ZBBX: variants seen among roughly 807,000 people sequenced by gnomAD.
ZBBX encodes zinc finger B-box domain containing.
In ZBBX, 101 loss-of-function variants were observed where a neutral mutation model predicts 108.5. The ratio of observed to expected loss-of-function variants is 0.93; its 90% confidence interval spans 0.79 to 1.10. The LOEUF is 1.10. Among genes scored for constraint, ZBBX ranks in the 50% least tolerant of loss-of-function variants. The probability of loss-of-function intolerance (pLI) is 0.00; values close to 1 mark genes in which losing one functional copy is unlikely to be tolerated. For missense variants in ZBBX, 1,009 were observed against 941.4 expected (o/e 1.07, Z -0.94); for synonymous variants, 356 against 323.4 (o/e 1.10, Z -1.08).
At chr3:167,319,756 A>T (rs1188800932) in intron 12 of ZBBX, among the ~76,000 whole-genome samples, 1 of 151,998 alleles carries the variant, frequency 6.6e-6, no homozygotes, top group Non-Finnish European at 1.5e-5. Flanking sequence ...GATATTTGTG[A>T]TTCTGAAACT....
At chr3:167,209,013 G>A in the ZBBX span, among the ~76,000 whole-genome samples, 4 of 152,214 alleles carry the variant, frequency 2.6e-5, no homozygotes, top group South Asian at 8.3e-4. Context: ...AGTTAACATA[G>A]GTAGTAACCA....
At chr3:167,209,953 G>A in the ZBBX span, among the ~76,000 whole-genome samples, 38 of 152,256 alleles carry the variant, frequency 2.5e-4, no homozygotes, top group African/African-American at 9.1e-4. Flanking sequence ...AGCTAGGCAT[G>A]GTGGCATGTG....
At chr3:167,398,574 C>T (rs1748322119) in intron 1 of ZBBX, among the ~76,000 whole-genome samples, 1 of 151,912 alleles carries the variant, frequency 6.6e-6, no homozygotes, top group Non-Finnish European at 1.5e-5. Flanking sequence ...TATAAACCTA[C>T]TGTATAAATA....
At chr3:167,307,342 T>G (rs1339710439) in intron 16 of ZBBX, among the ~76,000 whole-genome samples, 1 of 152,174 alleles carries the variant, frequency 6.6e-6, no homozygotes, top group Non-Finnish European at 1.5e-5. Context: ...TATCTCTGTT[T>G]GCAGACTACA....
chr3:167,236,051 T>C (rs565329401), downstream of ZBBX, among the ~76,000 whole-genome samples: 34 of 151,892 alleles, frequency 2.2e-4, no homozygotes, highest in South Asian at 6.2e-3. Context: ...AAATAGTATA[T>C]ACGTTTTTAA....
intron 9 of ZBBX, among the ~76,000 whole-genome samples, chr3:167,348,966 T>C (rs1298051028): frequency 6.6e-6 from 1 of 152,040 alleles, no homozygotes; most frequent in Non-Finnish European, 1.5e-5. Flanking sequence ...TGGTGTCGTA[T>C]CTGCATCTGG....
At chr3:167,343,032 A>C (rs556410915) in intron 9 of ZBBX, among the ~76,000 whole-genome samples, 2 of 151,940 alleles carry the variant, frequency 1.3e-5, no homozygotes, top group Non-Finnish European at 2.9e-5. Flanking sequence ...TGGACTCATC[A>C]TTAATATTAC....
intron 20 of ZBBX, among the ~76,000 whole-genome samples, chr3:167,264,038 T>C (rs1215065677): frequency 6.6e-6 from 1 of 152,262 alleles, no homozygotes; most frequent in East Asian, 1.9e-4. Flanking sequence ...CCTGCTCTTT[T>C]TTGGTTTCCA....
downstream of ZBBX, among the ~76,000 whole-genome samples, chr3:167,237,464 A>G (rs961595918): frequency 6.6e-6 from 1 of 151,852 alleles, no homozygotes; most frequent in African/African-American, 2.4e-5. Flanking sequence ...TGACTCCACT[A>G]TTAGTAATAT....
chr3:167,217,322 C>T, the ZBBX span, among the ~76,000 whole-genome samples: 17 of 152,158 alleles, frequency 1.1e-4, no homozygotes, highest in African/African-American at 3.6e-4. Context: ...ACAGACACTT[C>T]TCAAAGGAAG....
intron 20 of ZBBX, among the ~76,000 whole-genome samples, chr3:167,271,948 CA>C (rs1369373530): frequency 2.0e-5 from 3 of 152,174 alleles, no homozygotes; most frequent in Non-Finnish European, 4.4e-5. Flanking sequence ...AACACTGACT[CA>C]GACAATGGAA....
Position 167,284,179 on chromosome 3 carries a change from C to CATATATATAT in ZBBX, c.1997-1685_1997-1684insATATATATAT, listed in dbSNP as rs202245834. Among the ~76,000 whole-genome samples the CATATATATAT allele has an allele frequency of 4.3e-3, 504 of 117,570 alleles. 1 individual carries two copies. Among genetic ancestry groups the CATATATATAT allele is most frequent in the Non-Finnish European group, 6.1e-3 (365 of 60,138 alleles). The allele number at this position is 117,570 out of a possible 152,430, so 77.1% of individuals were successfully genotyped here. On this transcript the variant is annotated intron_variant, in intron 19 of 21. Transcript: ENST00000675490. ...CTAAAATATGCCTAAGTGTTAAAAA[C>CATATATATAT]ATATATCTATATCTATATATATATA... is the stretch of plus-strand genomic sequence containing the variant.
chr3:167,353,201 T>C (rs1484774492), intron 8 of ZBBX, among the ~76,000 whole-genome samples: 1 of 152,158 alleles, frequency 6.6e-6, no homozygotes, highest in African/African-American at 2.4e-5. Flanking sequence ...TTGCTAATGA[T>C]GTTATCTTAT....
chr3:167,366,485 CT>C (rs1014169864), intron 5 of ZBBX, among the ~76,000 whole-genome samples: 91 of 151,890 alleles, frequency 6.0e-4, no homozygotes, highest in African/African-American at 2.0e-3. Flanking sequence ...AGCACTTGAG[CT>C]TTGTTTACTT....
the ZBBX span, among the ~76,000 whole-genome samples, chr3:167,203,532 A>G: frequency 6.6e-6 from 1 of 152,176 alleles, no homozygotes; most frequent in South Asian, 2.1e-4. Context: ...GTTAACAAAC[A>G]AATAAGTAGG....
Position 167,347,513 on chromosome 3 carries a change from A to C in ZBBX, c.528+2907T>G, listed in dbSNP as rs533651159. Among the ~76,000 whole-genome samples, 5 of 152,164 alleles carry C rather than the reference A, an allele frequency of 3.3e-5. No individual in the cohort carries two copies. The South Asian group carries it at 1.0e-3, about 32-fold the overall frequency. The stretch of plus-strand genomic sequence containing the variant: ...AAAAATACTACATGAAACCACATAC[A>C]TGCAGAATCCAAATTTTTTTTAAAA... On this transcript the variant is annotated intron_variant, in intron 9 of 21. Transcript: ENST00000675490.
At chr3:167,337,541 A>T (rs1252329978) in intron 9 of ZBBX, among the ~76,000 whole-genome samples, 1 of 152,070 alleles carries the variant, frequency 6.6e-6, no homozygotes, top group Non-Finnish European at 1.5e-5. Context: ...TTTATCTAGG[A>T]CATTGTCACA....
intron 19 of ZBBX, among the ~76,000 whole-genome samples, chr3:167,288,388 T>C (rs757305657): frequency 1.8e-4 from 27 of 152,100 alleles, no homozygotes; most frequent in Non-Finnish European, 3.7e-4. Context: ...GATTCCAGGG[T>C]CAATGCATAC....
At chr3:167,218,517 T>C in the ZBBX span, among the ~76,000 whole-genome samples, 40 of 152,278 alleles carry the variant, frequency 2.6e-4, no homozygotes, top group African/African-American at 9.4e-4. Context: ...GGTTTTCTTT[T>C]TGCTTGTTTG....
Sources: allele counts gnomAD v4.1 joint callset (sites outside exome capture counted in the v4.1 genomes callset), GRCh38; gene constraint gnomAD v4.1.1; transcripts MANE v1.5; gene names NCBI Gene and HGNC (gene_info 2026-07-23, HGNC 2026-07-21).